Variants in SLIT3 observed in about 807,000 individuals in gnomAD.
SLIT3 encodes the protein slit guidance ligand 3.
In SLIT3, 68 loss-of-function variants were observed where a neutral mutation model predicts 184.0. That is an observed-to-expected ratio of 0.37 (90% CI 0.30 to 0.45). SLIT3 has a LOEUF of 0.45. Ranked by LOEUF, SLIT3 falls within the 20% of genes least tolerant of loss-of-function variation. The pLI, the probability that SLIT3 is intolerant of heterozygous loss-of-function variation, is 1.00. For synonymous variants in SLIT3, 831 were observed against 828.6 expected (o/e 1.00, Z -0.05); for missense variants, 1,707 against 2,026.0 (o/e 0.84, Z 3.02).
At chr5:168,850,030 TA>T (rs1410420088) in intron 5 of SLIT3, among the ~76,000 whole-genome samples, 2 of 152,196 alleles carry the variant, frequency 1.3e-5, no homozygotes, top group African/African-American at 4.8e-5. Context: ...AAGAACAAAT[TA>T]TAGAAGCATT....
Position 168,666,661 on chromosome 5 carries a change from T to A in SLIT3, c.4365A>T (p.Arg1455=), listed in dbSNP as rs201407109. The A allele has an allele frequency of 5.0e-6, 8 of 1,614,144 alleles. No homozygotes were observed. Among genetic ancestry groups the A allele is most frequent in the Non-Finnish European group, 6.8e-6 (8 of 1,180,028 alleles). The change falls in exon 36 of 36, where the codon CGA becomes CGT. Residue 1455 remains arginine (R), a synonymous_variant. Transcript: ENST00000519560. ...AACCTTTCTGGCGGCGGATCACCTC[T>A]CGGACTACTTGTCCCAGGCACGGAT... ...QENPCLGQVV[R]EVIRRQKGYA...
At chr5:169,297,649 G>A (rs556360007) in intron 1 of SLIT3, among the ~76,000 whole-genome samples, 11 of 152,316 alleles carry the variant, frequency 7.2e-5, no homozygotes, top group East Asian at 1.9e-4. Flanking sequence ...CTGACAAAAC[G>A]TGCCCCATGG....
chr5:169,193,893 T>C (rs1037908774), intron 3 of SLIT3, among the ~76,000 whole-genome samples: 3 of 152,166 alleles, frequency 2.0e-5, no homozygotes, highest in African/African-American at 7.2e-5. Flanking sequence ...ATGAGCTTCG[T>C]GTAGCTATTA....
At chr5:168,698,848 C>T (rs919855237) in intron 27 of SLIT3, among the ~76,000 whole-genome samples, 6 of 152,168 alleles carry the variant, frequency 3.9e-5, no homozygotes, top group African/African-American at 1.2e-4. Context: ...GGCCCTTTTC[C>T]TTTTACATTA....
At chr5:168,859,914 G>GT (rs372312733) in intron 5 of SLIT3, among the ~76,000 whole-genome samples, 88 of 152,236 alleles carry the variant, frequency 5.8e-4, no homozygotes, top group African/African-American at 2.0e-3. Flanking sequence ...ATTACCAACT[G>GT]TAACACTGAG....
chr5:169,254,068 T>G (rs1765866287), intron 1 of SLIT3, among the ~76,000 whole-genome samples: 1 of 152,070 alleles, frequency 6.6e-6, no homozygotes, highest in African/African-American at 2.4e-5. Flanking sequence ...GGCTTTGAGG[T>G]GAGATACCTC....
intron 8 of SLIT3, among the ~76,000 whole-genome samples, chr5:168,810,818 C>A (rs956521599): frequency 2.6e-5 from 4 of 152,098 alleles, no homozygotes; most frequent in African/African-American, 7.2e-5. Flanking sequence ...GTGCTGCCTC[C>A]GGTCCAGGGA....
chr5:169,218,639 T>C (rs896165478), intron 3 of SLIT3, among the ~76,000 whole-genome samples: 4 of 152,188 alleles, frequency 2.6e-5, no homozygotes, highest in African/African-American at 9.7e-5. Flanking sequence ...CCCCTAAAAC[T>C]CCATTTCTTC....
chr5:169,253,059 G>A (rs1412968688), intron 1 of SLIT3, among the ~76,000 whole-genome samples: 1 of 151,128 alleles, frequency 6.6e-6, no homozygotes, highest in Non-Finnish European at 1.5e-5. Flanking sequence ...GACTTCTCTG[G>A]CTAATCTGAG....
At chr5:169,229,638 ATTC>A (rs1764926485) in intron 3 of SLIT3, among the ~76,000 whole-genome samples, 1 of 109,458 alleles carries the variant, frequency 9.1e-6, no homozygotes, top group Non-Finnish European at 2.0e-5. Flanking sequence ...AGTCAAATAA[ATTC>A]TTCTCTCTCT....
chr5:168,783,151 GA>G (rs1756031798), intron 12 of SLIT3, among the ~76,000 whole-genome samples: 1 of 152,144 alleles, frequency 6.6e-6, no homozygotes, highest in Non-Finnish European at 1.5e-5. Context: ...ATGTTCCTTT[GA>G]ACGCTAAGAT....
intron 5 of SLIT3, 56 bp downstream of exon 5, chr5:168,883,208 TG>T: frequency 7.1e-7 from 1 of 1,412,432 alleles, no homozygotes; most frequent in Non-Finnish European, 1.0e-6. Context: ...ACCCTCACTC[TG>T]GTCAGAGAGC....
At chr5:168,969,783 A>G (rs1051659808) in intron 4 of SLIT3, among the ~76,000 whole-genome samples, 2 of 152,188 alleles carry the variant, frequency 1.3e-5, no homozygotes, top group Admixed American at 1.3e-4. Flanking sequence ...GGAAGGGAAC[A>G]CTTGGCTCAG....
chr5:168,944,622 G>C (rs1762418750), intron 4 of SLIT3, among the ~76,000 whole-genome samples: 1 of 152,042 alleles, frequency 6.6e-6, no homozygotes. Flanking sequence ...CCCAAAAAAT[G>C]ACCTGAAAGA....
chr5:168,981,964 A>G (rs1445236086), intron 4 of SLIT3, among the ~76,000 whole-genome samples: 1 of 152,192 alleles, frequency 6.6e-6, no homozygotes, highest in Admixed American at 6.5e-5. Flanking sequence ...GAGAGTATCT[A>G]AAAATGATGA....
intron 3 of SLIT3, among the ~76,000 whole-genome samples, chr5:169,195,918 A>C (rs1277593635): frequency 6.6e-6 from 1 of 152,224 alleles, no homozygotes; most frequent in African/African-American, 2.4e-5. Context: ...AGCAATAAAA[A>C]AACTGTACAC....
At chr5:169,206,317 T>C (rs1388677307) in intron 3 of SLIT3, among the ~76,000 whole-genome samples, 1 of 152,184 alleles carries the variant, frequency 6.6e-6, no homozygotes, top group Non-Finnish European at 1.5e-5. Context: ...CCCAAAACAA[T>C]GCAGCAAAGC....
chr5:168,742,797 T>C (rs1339121379), intron 20 of SLIT3, among the ~76,000 whole-genome samples: 1 of 149,130 alleles, frequency 6.7e-6, no homozygotes, highest in Non-Finnish European at 1.5e-5. Context: ...CTCAGATAAC[T>C]GAAGAAGGCA....
intron 3 of SLIT3, among the ~76,000 whole-genome samples, chr5:169,196,531 A>G (rs541392638): frequency 1.3e-5 from 2 of 152,228 alleles, no homozygotes; most frequent in Non-Finnish European, 2.9e-5. Context: ...GCCACGTGCT[A>G]CACAGGCAGG....
Sources: allele counts gnomAD v4.1 joint callset (sites outside exome capture counted in the v4.1 genomes callset), GRCh38; gene constraint gnomAD v4.1.1; transcripts MANE v1.5; gene names NCBI Gene and HGNC (gene_info 2026-07-23, HGNC 2026-07-21).